OR51A4: variants seen among roughly 807,000 people sequenced by gnomAD.
OR51A4 encodes olfactory receptor family 51 subfamily A member 4, also known as olfactory receptor 51A4.
For synonymous variants in OR51A4, 96 were observed against 141.5 expected (o/e 0.68, Z 2.28); for missense variants, 243 against 364.0 (o/e 0.67, Z 2.70).
rs745638800 is a variant in OR51A4, at chr11:4,946,297, A to G, written c.804T>C (p.His268=). The G allele has an allele frequency of 1.9e-6, 3 of 1,613,786 alleles. No homozygotes were observed. Among genetic ancestry groups the G allele is most frequent in the Middle Eastern group, 3.3e-4 (2 of 6,062 alleles). The change falls in exon 2 of 2, where the codon CAT becomes CAC. Residue 268 remains histidine, a synonymous_variant. Coordinates refer to ENST00000641898, the MANE Select transcript of OR51A4 (RefSeq NM_001005329.2). ...NLAVVHRFAR[H]VSPLINVLMA... ...TGAGAACATTAATGAGGGGAGAGAC[A>G]TGCCGGGCAAAGCGGTGGACAACGG...
rs1846305464 is a variant in OR51A4, at chr11:4,946,403, T to G, written c.698A>C (p.Lys233Thr). Residue 233 changes from lysine to threonine, a missense_variant, in exon 2 of 2, where the codon AAG becomes ACG. Physicochemically the swap from Lys to Thr is moderately conservative, Grantham distance 78. Coordinates refer to ENST00000641898, the MANE Select transcript of OR51A4 (RefSeq NM_001005329.2). ...AGTATTGAGAGCCTTAAGCTGCTCC[T>G]TTTTGGATGCAATTCCCAGTACAGT... Reference protein sequence around the residue: ...LKTVLGIASKKEQLKALNTCV... With the variant: ...LKTVLGIASKTEQLKALNTCV... 2.5e-6 allele frequency: 4 copies of G among 1,613,342 alleles called. No homozygotes were observed. The highest frequency in any genetic ancestry group is 3.4e-6 in the Non-Finnish European group (4 of 1,179,728).
At position 4,944,550 on chromosome 11, in the gene OR51A4, A is replaced by G. The variant is rs1159511402; in HGVS notation, c.*1609T>C. On this transcript the variant is annotated 3_prime_UTR_variant, in exon 2 of 2. Transcript: ENST00000641898. ...GTTGTGGGCTGATTATTATTTTTTA[A>G]GCATTTGACATTCCTGGAAGGTGTT... is the stretch of plus-strand genomic sequence containing the variant. 1 of 152,342 alleles carries G rather than the reference A, an allele frequency of 6.6e-6. No individual in the cohort carries two copies. Among genetic ancestry groups the G allele is most frequent in the Non-Finnish European group, 1.5e-5 (1 of 68,186 alleles). The allele number at this position is 152,342 out of a possible 1,614,324, so 9.4% of individuals were successfully genotyped here.
chr11:4,944,226 C>A lies in OR51A4; in HGVS notation c.*1933G>T. Reference sequence around the variant, plus strand: ...ATAGGTTTGTGAAAACATACGTAGTCCTGAATTTAAAAACTAAAATGTATT... The same window carrying A: ...ATAGGTTTGTGAAAACATACGTAGTACTGAATTTAAAAACTAAAATGTATT... On this transcript the variant is annotated 3_prime_UTR_variant, in exon 2 of 2. Transcript: ENST00000641898. 2.7e-6 allele frequency: 1 copy of A among 370,462 alleles called. No individual in the cohort carries two copies. The highest frequency in any genetic ancestry group is 2.2e-5 in the African/African-American group (1 of 46,012). The allele number at this position is 370,462 out of a possible 1,614,324, so 22.9% of individuals were successfully genotyped here. A position where few individuals can be genotyped will look rare whatever the true frequency, so the allele number is the denominator to read the frequency against.
In OR51A4 at chr11:4,944,763, C is replaced by A. The variant is rs556716521; in HGVS notation, c.*1396G>T. ...CACAAATCCAAGGCAATAAATTTGT[C>A]TTTAACATCATATCTTTTTTTTTTC... On this transcript the variant is annotated 3_prime_UTR_variant, in exon 2 of 2. Coordinates refer to ENST00000641898, the MANE Select transcript of OR51A4 (RefSeq NM_001005329.2). 2.0e-5 allele frequency: 3 copies of A among 151,842 alleles called. No individual in the cohort carries two copies. The highest frequency in any genetic ancestry group is 7.3e-5 in the African/African-American group (3 of 41,282). 9.4% of individuals were successfully genotyped at this position (151,842 alleles called of 1,614,324 possible). A position where few individuals can be genotyped will look rare whatever the true frequency, so the allele number is the denominator to read the frequency against.
In OR51A4 at chr11:4,944,085, C is replaced by T. The variant is rs899239476; in HGVS notation, c.*2074G>A. 2 of 453,002 alleles carry T rather than the reference C, an allele frequency of 4.4e-6. No individual in the cohort carries two copies. Among genetic ancestry groups the T allele is most frequent in the African/African-American group, 2.0e-5 (1 of 49,794 alleles). The allele number at this position is 453,002 out of a possible 1,614,324, so 28.1% of individuals were successfully genotyped here. ...AACTACTGCTTGGTTGTACTACAAC[C>T]CCAAACCCATATCTGTATTTGTAAG... On this transcript the variant is annotated 3_prime_UTR_variant, in exon 2 of 2. Transcript: ENST00000641898.
At position 4,946,780 on chromosome 11, in the gene OR51A4, A is replaced by G. The variant is rs756289057; in HGVS notation, c.321T>C (p.His107=). The change falls in exon 2 of 2, where the codon CAT becomes CAC. Residue 107 remains histidine, a synonymous_variant. Coordinates refer to ENST00000641898, the MANE Select transcript of OR51A4 (RefSeq NM_001005329.2). ...NACFAQEFFI[H]GFSVLESSVL... ...CTGAGGACTCCAGTACTGAGAATCC[A>G]TGAATGAAGAATTCCTGGGCAAAGC... The G allele has an allele frequency of 6.3e-6, 10 of 1,587,778 alleles. 1 individual carries two copies. The highest frequency in any genetic ancestry group is 4.4e-5 in the South Asian group (4 of 90,300).
chr11:4,943,956 T>C lies in OR51A4; in HGVS notation c.*2203A>G. ...ATAAGATGCTATTAAAGCCACCTAA[T>C]TACTCCTCATCTTTTTAGTGGAAAT... On this transcript the variant is annotated 3_prime_UTR_variant, in exon 2 of 2. Transcript: ENST00000641898. The C allele has an allele frequency of 2.4e-6, 1 of 413,180 alleles. No homozygotes were observed. The highest frequency in any genetic ancestry group is 4.8e-6 in the Non-Finnish European group (1 of 207,630). The allele number at this position is 413,180 out of a possible 1,614,324, so 25.6% of individuals were successfully genotyped here.
rs776639921 is a variant in OR51A4 at position 4,946,464 on chromosome 11, T to A, written c.637A>T (p.Ile213Phe). The part of the protein sequence containing the change: ...FGALCLMVDF[I>F]LIAVSYTLIL... Reference sequence around the variant, plus strand: ...AGGGTGTAAGACACAGCAATGAGAATAAAGTCTACCATAAGGCAGAGTGCT... The same window carrying A: ...AGGGTGTAAGACACAGCAATGAGAAAAAAGTCTACCATAAGGCAGAGTGCT... The change falls in exon 2 of 2, where the codon ATT becomes TTT. Residue 213 changes from isoleucine (I) to phenylalanine (F), a missense_variant. Transcript: ENST00000641898. 89 of 1,609,614 alleles carry A rather than the reference T, an allele frequency of 5.5e-5. No homozygotes were observed. Among genetic ancestry groups the A allele is most frequent in the Non-Finnish European group, 7.1e-5 (84 of 1,176,840 alleles).
chr11:4,945,796 C>A lies in OR51A4; in HGVS notation c.*363G>T. Reference sequence around the variant, plus strand: ...ATGATTAAAATGGATAAAGAGACAGCTAATTTAGGTCTAGCATTAAAAGAA... The same window carrying A: ...ATGATTAAAATGGATAAAGAGACAGATAATTTAGGTCTAGCATTAAAAGAA... On this transcript the variant is annotated 3_prime_UTR_variant, in exon 2 of 2. Coordinates refer to ENST00000641898, the MANE Select transcript of OR51A4 (RefSeq NM_001005329.2). 2 of 278,086 alleles carry A rather than the reference C, an allele frequency of 7.2e-6. No homozygotes were observed. The highest frequency in any genetic ancestry group is 4.2e-5 in the South Asian group (1 of 24,072). The allele number at this position is 278,086 out of a possible 1,614,324, so 17.2% of individuals were successfully genotyped here.
Position 4,946,138 on chromosome 11 carries a change from G to A in OR51A4, c.*21C>T, listed in dbSNP as rs771877041. On this transcript the variant is annotated 3_prime_UTR_variant, in exon 2 of 2. Coordinates refer to ENST00000641898, the MANE Select transcript of OR51A4 (RefSeq NM_001005329.2). The stretch of plus-strand genomic sequence containing the variant: ...TAAATATCTTACCAGACATTTCCAG[G>A]TTTTCTGTCACATATGACTGTTAAA... The A allele has an allele frequency of 2.5e-6, 4 of 1,600,356 alleles. No homozygotes were observed. In the Admixed American group the frequency reaches 5.0e-5, roughly 20 times the overall value.
Position 4,946,160 on chromosome 11 carries a change from T to C in OR51A4, c.941A>G (p.Ter314=). The C allele has an allele frequency of 6.2e-7, 1 of 1,613,494 alleles. No individual in the cohort carries two copies. The highest frequency in any genetic ancestry group is 8.5e-7 in the Non-Finnish European group (1 of 1,179,582). ...CAGGTTTTCTGTCACATATGACTGT[T>C]AAATCTTCCGTTGACACAATTTTGC... The part of the protein sequence containing the change: ...VVAKLCQRKI[*] Residue 314 remains the stop codon, a stop_retained_variant, in exon 2 of 2, where the codon TAA becomes TGA. Coordinates refer to ENST00000641898, the MANE Select transcript of OR51A4 (RefSeq NM_001005329.2).
rs1173677103 is a variant in OR51A4, at chr11:4,944,018, G to C, written c.*2141C>G. 2.4e-6 allele frequency: 1 copy of C among 424,004 alleles called. No individual in the cohort carries two copies. Among genetic ancestry groups the C allele is most frequent in the African/African-American group, 2.1e-5 (1 of 48,288 alleles). The allele number at this position is 424,004 out of a possible 1,614,324, so 26.3% of individuals were successfully genotyped here. On this transcript the variant is annotated 3_prime_UTR_variant, in exon 2 of 2. Transcript: ENST00000641898. Reference sequence around the variant, plus strand: ...ATTGGGCTGCCTATCCGCACACTGGGAGAATATGAGCTTCTATTTCTTTCA... The same window carrying C: ...ATTGGGCTGCCTATCCGCACACTGGCAGAATATGAGCTTCTATTTCTTTCA...
Position 4,946,171 on chromosome 11 carries a change from T to C in OR51A4, c.930A>G (p.Gln310=), listed in dbSNP as rs767899161. Residue 310 remains glutamine, a synonymous_variant, in exon 2 of 2, where the codon CAA becomes CAG. Coordinates refer to ENST00000641898, the MANE Select transcript of OR51A4 (RefSeq NM_001005329.2). ...IRVRVVAKLC[Q]RKI is the part of the protein sequence containing the mutation. The stretch of plus-strand genomic sequence containing the variant: ...TCACATATGACTGTTAAATCTTCCG[T>C]TGACACAATTTTGCTACAACTCTCA... 1.9e-6 allele frequency: 3 copies of C among 1,613,806 alleles called. No homozygotes were observed. The highest frequency in any genetic ancestry group is 4.5e-5 in the East Asian group (2 of 44,888).
In OR51A4 at chr11:4,946,062, A is replaced by C; in HGVS notation, c.*97T>G. 8.9e-7 allele frequency: 1 copy of C among 1,127,446 alleles called. No homozygotes were observed. The highest frequency in any genetic ancestry group is 1.9e-5 in the Admixed American group (1 of 51,310). The allele number at this position is 1,127,446 out of a possible 1,614,324, so 69.8% of individuals were successfully genotyped here. ...AAATAACTCTATGACAACAACAAAA[A>C]TATGTGTTGATAATTCTTGGTGTCA... On this transcript the variant is annotated 3_prime_UTR_variant, in exon 2 of 2. Transcript: ENST00000641898.
rs922424351 is a variant in OR51A4, at chr11:4,944,218, T to C, written c.*1941A>G. 3 of 391,288 alleles carry C rather than the reference T, an allele frequency of 7.7e-6. No homozygotes were observed. The highest frequency in any genetic ancestry group is 1.5e-5 in the Non-Finnish European group (3 of 201,498). The allele number at this position is 391,288 out of a possible 1,614,324, so 24.2% of individuals were successfully genotyped here. A position where few individuals can be genotyped will look rare whatever the true frequency, so the allele number is the denominator to read the frequency against. On this transcript the variant is annotated 3_prime_UTR_variant, in exon 2 of 2. Coordinates refer to ENST00000641898, the MANE Select transcript of OR51A4 (RefSeq NM_001005329.2). ...ACACTAGGATAGGTTTGTGAAAACA[T>C]ACGTAGTCCTGAATTTAAAAACTAA...
Position 4,943,912 on chromosome 11 carries a change from T to C in OR51A4, c.*2247A>G, listed in dbSNP as rs747543084. ...TTGATACTCTTTTATGTGACATCTA[T>C]GTACAATATCCTGAAAGAATAAGAT... On this transcript the variant is annotated 3_prime_UTR_variant, in exon 2 of 2. Coordinates refer to ENST00000641898, the MANE Select transcript of OR51A4 (RefSeq NM_001005329.2). 3 of 435,754 alleles carry C rather than the reference T, an allele frequency of 6.9e-6. No individual in the cohort carries two copies. The highest frequency in any genetic ancestry group is 2.0e-5 in the African/African-American group (1 of 48,934). The allele number at this position is 435,754 out of a possible 1,614,324, so 27.0% of individuals were successfully genotyped here. A position where few individuals can be genotyped will look rare whatever the true frequency, so the allele number is the denominator to read the frequency against.
At position 4,945,323 on chromosome 11, in the gene OR51A4, A is replaced by G. The variant is rs1274252753; in HGVS notation, c.*836T>C. 1.3e-5 allele frequency: 2 copies of G among 152,198 alleles called. No individual in the cohort carries two copies. Among genetic ancestry groups the G allele is most frequent in the Non-Finnish European group, 2.9e-5 (2 of 68,030 alleles). The allele number at this position is 152,198 out of a possible 1,614,324, so 9.4% of individuals were successfully genotyped here. ...AGAGATCTGATGTGAAAACTCAAGA[A>G]AGCAAAGAGCTCTGTAAATTCAAAA... On this transcript the variant is annotated 3_prime_UTR_variant, in exon 2 of 2. Transcript: ENST00000641898.
Position 4,946,270 on chromosome 11 carries a change from C to T in OR51A4, c.831G>A (p.Met277Ile). Residue 277 changes from methionine (M) to isoleucine (I), a missense_variant, in exon 2 of 2, where the codon ATG becomes ATA. Met to Ile is a conservative substitution (Grantham distance 10, BLOSUM62 1). Transcript: ENST00000641898. ...RHVSPLINVL[M>I]ANVLLLVPPL... ...GAGGTACAAGTAGGAGAACATTTGCCATGAGAACATTAATGAGGGGAGAGA... is the reference window on the plus strand; with the variant it reads ...GAGGTACAAGTAGGAGAACATTTGCTATGAGAACATTAATGAGGGGAGAGA... 6.2e-7 allele frequency: 1 copy of T among 1,613,898 alleles called. No individual in the cohort carries two copies. Among genetic ancestry groups the T allele is most frequent in the South Asian group, 1.1e-5 (1 of 91,078 alleles).
chr11:4,944,117 G>A lies in OR51A4; in HGVS notation c.*2042C>T. Reference sequence around the variant, plus strand: ...CCATATCTGTATTTGTAAGGTTTTGGAAAAGGTAGATAGATACAGTTATGC... The same window carrying A: ...CCATATCTGTATTTGTAAGGTTTTGAAAAAGGTAGATAGATACAGTTATGC... On this transcript the variant is annotated 3_prime_UTR_variant, in exon 2 of 2. Transcript: ENST00000641898. 1.5e-5 allele frequency: 7 copies of A among 455,778 alleles called. No homozygotes were observed. Among genetic ancestry groups the A allele is most frequent in the South Asian group, 6.2e-5 (4 of 64,384 alleles). 28.2% of individuals were successfully genotyped at this position (455,778 alleles called of 1,614,324 possible).
Sources: allele counts gnomAD v4.1 joint callset, GRCh38; gene constraint gnomAD v4.1.1; transcripts MANE v1.5; gene names NCBI Gene and HGNC (gene_info 2026-07-23, HGNC 2026-07-21).